Variants in COL23A1 observed in about 807,000 individuals in gnomAD.
The protein encoded by COL23A1 is collagen alpha-1(XXIII) chain.
Under a neutral mutation model 99.3 loss-of-function variants are expected in COL23A1, and 97 were observed. The ratio of observed to expected loss-of-function variants is 0.98; its 90% CI spans 0.83 to 1.16. COL23A1 has a LOEUF of 1.16. Ranked by LOEUF, COL23A1 falls within the 50% of genes most tolerant of loss-of-function variation. The pLI is 0.00. For synonymous variants in COL23A1, 320 were observed against 308.2 expected, an observed-to-expected ratio of 1.04 and a Z score of -0.40; for missense variants, 762 against 757.4, an observed-to-expected ratio of 1.01 and a Z score of -0.07.
At chr5:178,477,760 G>C (rs1287294655) in intron 2 of COL23A1, among the ~76,000 whole-genome samples, 1 of 152,202 alleles carries the variant, frequency 6.6e-6, no homozygotes, top group African/African-American at 2.4e-5. Context: ...GTAGAATAGG[G>C]AGAGGAAAGC....
chr5:178,335,468 A>C (rs1760265611), intron 2 of COL23A1, among the ~76,000 whole-genome samples: 1 of 152,248 alleles, frequency 6.6e-6, no homozygotes, highest in South Asian at 2.1e-4. Flanking sequence ...TCAGCTGCTT[A>C]GATCACATGA....
chr5:178,331,991 G>A (rs1760053991), intron 2 of COL23A1, among the ~76,000 whole-genome samples: 1 of 152,190 alleles, frequency 6.6e-6, no homozygotes, highest in African/African-American at 2.4e-5. Flanking sequence ...ACCATCCCAG[G>A]CTCTGAGGCT....
At chr5:178,289,670 T>C (rs897383552) in intron 4 of COL23A1, among the ~76,000 whole-genome samples, 2 of 152,188 alleles carry the variant, frequency 1.3e-5, no homozygotes, top group South Asian at 2.1e-4. Flanking sequence ...CACGGGACAC[T>C]GAAGCATTTA....
rs1366362799 is a variant in COL23A1, at chr5:178,415,753, C to T, written c.362-108834G>A. ...GATGCAGAAGAGTGAGCACGAGGTT[C>T]TTGCCCACAGAGAGCTCCCAGCCTA... On this transcript the variant is annotated intron_variant, in intron 2 of 28. Coordinates refer to ENST00000390654, the MANE Select transcript of COL23A1 (RefSeq NM_173465.4). This position sits in a 1 kb window ranked among gnomAD's most constrained non-coding sequence, Gnocchi z 4.6. Among the ~76,000 whole-genome samples the T allele has an allele frequency of 6.6e-6, 1 of 152,186 alleles. No individual in the cohort carries two copies. The highest frequency in any genetic ancestry group is 1.5e-5 in the Non-Finnish European group (1 of 68,034).
At chr5:178,303,857 G>A (rs1247996358) in intron 3 of COL23A1, among the ~76,000 whole-genome samples, 1 of 152,234 alleles carries the variant, frequency 6.6e-6, no homozygotes, top group Non-Finnish European at 1.5e-5. Flanking sequence ...AACACCTCAG[G>A]TGTGGGAAGC....
intron 2 of COL23A1, among the ~76,000 whole-genome samples, chr5:178,382,225 C>G (rs1170400784): frequency 6.6e-6 from 1 of 152,052 alleles, no homozygotes; most frequent in East Asian, 1.9e-4. Flanking sequence ...GCACAGAGTC[C>G]CAGCTGCAGC....
intron 2 of COL23A1, among the ~76,000 whole-genome samples, chr5:178,512,429 A>G (rs1447080998): frequency 6.6e-6 from 1 of 152,230 alleles, no homozygotes. Flanking sequence ...TGAACCAGAT[A>G]TATCCCGGGT....
chr5:178,451,656 C>A (rs1467664814), intron 2 of COL23A1, among the ~76,000 whole-genome samples: 141 of 105,516 alleles, frequency 1.3e-3, no homozygotes, highest in East Asian at 2.6e-3. Context: ...AACTCCATCT[C>A]AAAAAAAAAA....
intron 2 of COL23A1, among the ~76,000 whole-genome samples, chr5:178,360,101 G>T (rs1253810494): frequency 6.6e-6 from 1 of 152,150 alleles, no homozygotes; most frequent in Non-Finnish European, 1.5e-5. Context: ...CAAATGTCCT[G>T]GGATGCCAGC....
intron 2 of COL23A1, among the ~76,000 whole-genome samples, chr5:178,369,074 T>A (rs759740562): frequency 6.6e-6 from 1 of 152,212 alleles, no homozygotes; most frequent in Non-Finnish European, 1.5e-5. Flanking sequence ...TTAGGCTGCA[T>A]CCGTCGGCCC....
At chr5:178,260,979 C>T (rs940829900) in intron 11 of COL23A1, among the ~76,000 whole-genome samples, 12 of 148,388 alleles carry the variant, frequency 8.1e-5, no homozygotes, top group African/African-American at 1.8e-4. Context: ...ATGTAAACGA[C>T]GGCATCTGGG....
At chr5:178,578,706 T>C (rs1360778562) in intron 1 of COL23A1, among the ~76,000 whole-genome samples, 2 of 114,276 alleles carry the variant, frequency 1.8e-5, no homozygotes, top group African/African-American at 6.8e-5. Flanking sequence ...ATCAGGAGAA[T>C]AGATTTTCTC....
chr5:178,258,288 C>T (rs540194556), intron 12 of COL23A1, among the ~76,000 whole-genome samples: 1 of 131,262 alleles, frequency 7.6e-6, no homozygotes, highest in South Asian at 2.8e-4. Flanking sequence ...TTCTAGGCAC[C>T]ATGTCAGGAA....
At chr5:178,545,189 G>A (rs937606246) in intron 2 of COL23A1, among the ~76,000 whole-genome samples, 7 of 152,142 alleles carry the variant, frequency 4.6e-5, no homozygotes, top group Admixed American at 2.0e-4. Context: ...TGGGGGAGGC[G>A]GGTGCCCCTC....
chr5:178,583,018 G>A lies in COL23A1; in HGVS notation c.294+6886C>T, dbSNP rs557108152. Among the ~76,000 whole-genome samples, 11 of 152,286 alleles carry A rather than the reference G, an allele frequency of 7.2e-5. No homozygotes were observed. In the South Asian group the frequency reaches 8.3e-4, roughly 11 times the overall value. On this transcript the variant is annotated intron_variant, in intron 1 of 28. Coordinates refer to ENST00000390654, the MANE Select transcript of COL23A1 (RefSeq NM_173465.4). The stretch of plus-strand genomic sequence containing the variant: ...TAAGGGAGCTCAGGCCTGGCCCTGC[G>A]TGCTCTTCCGCCTCTGTGACATTTC...
rs947616682 is a variant in COL23A1, at chr5:178,365,473, C to T, written c.362-58554G>A. 1.3e-5 allele frequency among the ~76,000 whole-genome samples: 2 copies of T among 151,988 alleles called. No individual in the cohort carries two copies. The highest frequency in any genetic ancestry group is 2.9e-5 in the Non-Finnish European group (2 of 68,000). On this transcript the variant is annotated intron_variant, in intron 2 of 28. Transcript: ENST00000390654. This position sits in a 1 kb window ranked among gnomAD's most constrained non-coding sequence, Gnocchi z 5.2. ...GCCACCCAATCCCTCTTTCTTTTGACGGGTACCCGCCACCCAATCCCTCTT... is the reference window on the plus strand; with the variant it reads ...GCCACCCAATCCCTCTTTCTTTTGATGGGTACCCGCCACCCAATCCCTCTT...
rs1303771570 is a variant in COL23A1, at chr5:178,309,031, T to G, written c.362-2112A>C. 6.6e-6 allele frequency among the ~76,000 whole-genome samples: 1 copy of G among 151,486 alleles called. No individual in the cohort carries two copies. The highest frequency in any genetic ancestry group is 6.6e-5 in the Admixed American group (1 of 15,212). ...AGTAGGCCCCGGGCCCCAGGCAGAG[T>G]GAGGGGGCATGGCAGGAAAGGGGCC... is the stretch of plus-strand genomic sequence containing the variant. On this transcript the variant is annotated intron_variant, in intron 2 of 28. Coordinates refer to ENST00000390654, the MANE Select transcript of COL23A1 (RefSeq NM_173465.4). The surrounding 1 kb of genome is among the most constrained non-coding windows in gnomAD (Gnocchi z 4.7).
intron 2 of COL23A1, among the ~76,000 whole-genome samples, chr5:178,515,532 C>G (rs1000746729): frequency 2.0e-5 from 3 of 152,202 alleles, no homozygotes; most frequent in Non-Finnish European, 4.4e-5. Flanking sequence ...CCAGGCTCCT[C>G]AGGCCTCCGA....
intron 2 of COL23A1, among the ~76,000 whole-genome samples, chr5:178,423,741 C>T (rs1028320479): frequency 6.6e-6 from 1 of 152,130 alleles, no homozygotes; most frequent in Admixed American, 6.5e-5. Context: ...AGGTTACCCA[C>T]GAGGAAACTG....
Sources: allele counts gnomAD v4.1 joint callset (sites outside exome capture counted in the v4.1 genomes callset), GRCh38; gene constraint gnomAD v4.1.1; non-coding constraint Gnocchi (gnomAD v3.1); transcripts MANE v1.5; gene names NCBI Gene and HGNC (gene_info 2026-07-23, HGNC 2026-07-21).